The following GPR89B variants were observed in gnomAD, a reference collection of about 807,000 sequenced individuals.
GPR89B encodes golgi pH regulator B.
A neutral mutation model predicts 52.4 loss-of-function variants in GPR89B; 25 were observed. That is an observed-to-expected ratio of 0.48 (90% CI 0.35 to 0.67). The LOEUF (loss-of-function observed/expected upper bound fraction) is 0.67. GPR89B is among the 30% of genes least tolerant of loss of function. The pLI, the probability that GPR89B is intolerant of heterozygous loss-of-function variation, is 0.01. For synonymous variants in GPR89B, 52 were observed against 151.2 expected, an observed-to-expected ratio of 0.34 and a Z score of 4.81; for missense variants, 146 against 450.2, an observed-to-expected ratio of 0.32 and a Z score of 6.11.
chr1:147,963,985 A>G (rs1270522922), intron 7 of GPR89B, among the ~76,000 whole-genome samples: 2 of 152,092 alleles, frequency 1.3e-5, no homozygotes, highest in Non-Finnish European at 1.5e-5. Flanking sequence ...TGATAAAATT[A>G]CAGAAATGGA....
At chr1:147,996,192 G>T (rs1659314812), downstream of GPR89B, among the ~76,000 whole-genome samples, 1 of 152,060 alleles carries the variant, frequency 6.6e-6, no homozygotes, top group Non-Finnish European at 1.5e-5. Context: ...ATTCTTATCA[G>T]TCCCTACAGG....
At chr1:147,939,571 AC>A (rs1464714012) in intron 3 of GPR89B, among the ~76,000 whole-genome samples, 8 of 152,056 alleles carry the variant, frequency 5.3e-5, no homozygotes, top group African/African-American at 1.5e-4. Flanking sequence ...TTCATTATAG[AC>A]CCCTGGCACT....
At chr1:147,985,363 G>A (rs1658589321) in intron 10 of GPR89B, among the ~76,000 whole-genome samples, 1 of 151,810 alleles carries the variant, frequency 6.6e-6, no homozygotes, top group Non-Finnish European at 1.5e-5. Context: ...TTATTAAAGT[G>A]GTTTTTTCAT....
intron 10 of GPR89B, among the ~76,000 whole-genome samples, chr1:147,982,661 T>TA (rs1658355549): frequency 7.7e-6 from 1 of 130,214 alleles, no homozygotes; most frequent in Non-Finnish European, 1.6e-5. Context: ...AACTTTAAAG[T>TA]AGTTTTTTCC....
chr1:147,991,666 A>T (rs2149097517), intron 12 of GPR89B, among the ~76,000 whole-genome samples: 1 of 152,236 alleles, frequency 6.6e-6, no homozygotes, highest in East Asian at 1.9e-4. Context: ...AGGGCTGTTG[A>T]ATTTTGTCAA....
chr1:147,979,129 G>C (rs1658055591), intron 10 of GPR89B, among the ~76,000 whole-genome samples: 1 of 151,874 alleles, frequency 6.6e-6, no homozygotes, highest in East Asian at 1.9e-4. Flanking sequence ...TCCCAGGTGG[G>C]GCTGTTGCAC....
chr1:148,005,518 G>T, the GPR89B span: 2 of 1,605,620 alleles, frequency 1.2e-6, no homozygotes, highest in Non-Finnish European at 1.7e-6. Context: ...ACCTGGAAGA[G>T]AGTAGGGGTA....
At chr1:148,015,000 G>C in the GPR89B span, 1 of 151,772 alleles carries the variant, frequency 6.6e-6, no homozygotes, top group Non-Finnish European at 1.5e-5. Flanking sequence ...AAAGACGGTG[G>C]CTCCGCCTAG....
chr1:147,928,639 G>C, intron 1 of GPR89B, 61 bp downstream of exon 1: 4 of 1,605,516 alleles, frequency 2.5e-6, no homozygotes, highest in Non-Finnish European at 3.4e-6. Flanking sequence ...CGCCCTCTCC[G>C]GTCCTCCGCG....
chr1:148,013,293 G>A, the GPR89B span, among the ~76,000 whole-genome samples: 2 of 152,082 alleles, frequency 1.3e-5, no homozygotes, highest in Non-Finnish European at 1.5e-5. Flanking sequence ...GAGATAGGGC[G>A]TTCCTGCCCC....
chr1:147,957,081 T>A (rs1257679753), intron 7 of GPR89B, among the ~76,000 whole-genome samples: 15 of 151,820 alleles, frequency 9.9e-5, no homozygotes, highest in African/African-American at 3.2e-4. Context: ...CTTAATTTTT[T>A]ACAATCTTTT....
At chr1:148,017,277 C>T in the GPR89B span, among the ~76,000 whole-genome samples, 2 of 151,018 alleles carry the variant, frequency 1.3e-5, no homozygotes, top group South Asian at 2.1e-4. Context: ...CTCCTGACCT[C>T]GTGATCTGCC....
the GPR89B span, chr1:148,011,615 CGAG>C: frequency 6.6e-6 from 1 of 152,162 alleles, no homozygotes. Flanking sequence ...CGTGGGGAGA[CGAG>C]GGGAGCAGTG....
At chr1:147,978,666 T>C (rs1658018344) in intron 10 of GPR89B, among the ~76,000 whole-genome samples, 1 of 151,518 alleles carries the variant, frequency 6.6e-6, no homozygotes, top group Non-Finnish European at 1.5e-5. Flanking sequence ...CATAAACCCC[T>C]ACCTGGAGTT....
intron 12 of GPR89B, among the ~76,000 whole-genome samples, chr1:147,991,362 GT>G: frequency 6.6e-6 from 1 of 152,200 alleles, no homozygotes; most frequent in South Asian, 2.1e-4. Context: ...AGACGATGGG[GT>G]TTTCTATATA....
chr1:148,021,255 C>G, the GPR89B span, among the ~76,000 whole-genome samples: 3,164 of 151,432 alleles, frequency 0.021, 160 homozygotes, highest in African/African-American at 0.072. Flanking sequence ...GTAATCCCAG[C>G]ACTTTGGGAG....
the GPR89B span, among the ~76,000 whole-genome samples, chr1:148,005,950 A>G: frequency 6.6e-6 from 1 of 152,032 alleles, no homozygotes; most frequent in East Asian, 1.9e-4. Flanking sequence ...CTTTGCTTAC[A>G]CCACCCTTTC....
At chr1:147,975,739 T>A (rs1311926253) in intron 10 of GPR89B, among the ~76,000 whole-genome samples, 1 of 152,200 alleles carries the variant, frequency 6.6e-6, no homozygotes, top group African/African-American at 2.4e-5. Flanking sequence ...GTTCTTTTAG[T>A]TGTGATGTTA....
At position 147,993,220 on chromosome 1, in the gene GPR89B, T is replaced by G. The variant is rs1659193132; in HGVS notation, c.*303T>G. ...CTAAAGGTGAAAAATACACTGGAAC[T>G]CTGGGGCAAGAGATGTCTATGGTAG... is the stretch of plus-strand genomic sequence containing the variant. On this transcript the variant is annotated 3_prime_UTR_variant, in exon 14 of 14. Coordinates refer to ENST00000314163, the MANE Select transcript of GPR89B (RefSeq NM_016334.5). 1.0e-6 allele frequency: 1 copy of G among 995,624 alleles called. No individual in the cohort carries two copies. Among genetic ancestry groups the G allele is most frequent in the Non-Finnish European group, 1.4e-6 (1 of 718,948 alleles). 61.7% of individuals were successfully genotyped at this position (995,624 alleles called of 1,614,324 possible).
Sources: gnomAD v4.1 joint callset for allele counts (sites outside exome capture counted in the v4.1 genomes callset) on GRCh38, gnomAD v4.1.1 for gene constraint, MANE v1.5 for transcripts, NCBI Gene and HGNC (gene_info 2026-07-23, HGNC 2026-07-21) for gene names.